FHIT: variants seen among roughly 807,000 people sequenced by gnomAD.
FHIT encodes the protein fragile histidine triad diadenosine triphosphatase.
In FHIT, 19 loss-of-function variants were observed where a neutral mutation model predicts 17.9. The observed-to-expected ratio is 1.06, with a 90% CI of 0.74 to 1.56. The LOEUF (loss-of-function observed/expected upper bound fraction) is 1.56. Among genes scored for constraint, FHIT ranks in the 40% most tolerant of loss-of-function variants. FHIT has a pLI of 0.00. For synonymous variants in FHIT, 81 were observed against 69.7 expected (o/e 1.16, Z -0.81); for missense variants, 248 against 189.2 (o/e 1.31, Z -1.82).
intron 3 of FHIT, among the ~76,000 whole-genome samples, chr3:60,878,642 C>T (rs1704797244): frequency 6.6e-6 from 1 of 151,098 alleles, no homozygotes; most frequent in Admixed American, 6.6e-5. Flanking sequence ...CCTCCCCCTG[C>T]CCCCACCCCA....
intron 9 of FHIT, chr3:59,751,038 A>G (rs961068474): frequency 1.1e-5 from 2 of 181,658 alleles, no homozygotes; most frequent in African/African-American, 4.7e-5. Flanking sequence ...CTAAAAACAA[A>G]AAAGAAACTA....
At chr3:60,806,295 G>A (rs1055714567) in intron 4 of FHIT, among the ~76,000 whole-genome samples, 2 of 152,156 alleles carry the variant, frequency 1.3e-5, no homozygotes, top group East Asian at 3.9e-4. Context: ...CCTCTCCCAA[G>A]AACAAATGCA....
intron 2 of FHIT, among the ~76,000 whole-genome samples, chr3:61,115,710 A>T (rs1031427666): frequency 3.9e-5 from 6 of 152,268 alleles, no homozygotes; most frequent in Admixed American, 6.5e-5. Context: ...AGTTGAGAGG[A>T]TATGATGAGA....
intron 3 of FHIT, among the ~76,000 whole-genome samples, chr3:60,982,080 T>C (rs1163624412): frequency 6.6e-6 from 1 of 152,212 alleles, no homozygotes; most frequent in Non-Finnish European, 1.5e-5. Context: ...CCCTTCCAGT[T>C]CATTCTGCAC....
rs1033377266 is a variant in FHIT, at chr3:60,526,784, C to T, written c.103+10076G>A. On this transcript the variant is annotated intron_variant, in intron 5 of 9. Transcript: ENST00000492590. ...AGATCATGACAGTACCTGTGTCAGC[C>T]TGCAGGTCCTACAGCTTCGTAGCAT... 7.2e-5 allele frequency among the ~76,000 whole-genome samples: 11 copies of T among 152,168 alleles called. 1 individual carries two copies. The highest frequency in any genetic ancestry group is 1.5e-4 in the Non-Finnish European group (10 of 68,046).
intron 5 of FHIT, among the ~76,000 whole-genome samples, chr3:60,244,966 G>C (rs550722401): frequency 5.3e-4 from 81 of 152,124 alleles, no homozygotes; most frequent in African/African-American, 1.9e-3. Context: ...CATTCAGGTA[G>C]TGTGCATTGA....
intron 5 of FHIT, chr3:60,077,580 T>A (rs1703069597): frequency 6.6e-6 from 1 of 150,482 alleles, no homozygotes; most frequent in Non-Finnish European, 1.5e-5. Context: ...AAAGAACACA[T>A]GAACCAGAAT....
chr3:60,121,929 A>G (rs533891459), intron 5 of FHIT, among the ~76,000 whole-genome samples: 1 of 152,136 alleles, frequency 6.6e-6, no homozygotes, highest in Non-Finnish European at 1.5e-5. Flanking sequence ...GAAATAATAT[A>G]TTTGGGTTTA....
At chr3:60,801,083 C>T (rs868933755) in intron 4 of FHIT, among the ~76,000 whole-genome samples, 2 of 152,126 alleles carry the variant, frequency 1.3e-5, no homozygotes, top group South Asian at 4.1e-4. Context: ...CTACAGGCAC[C>T]TAGGGCTCAA....
chr3:61,210,065 C>T (rs1025803128), intron 1 of FHIT, among the ~76,000 whole-genome samples: 2 of 152,204 alleles, frequency 1.3e-5, no homozygotes, highest in East Asian at 3.8e-4. Flanking sequence ...GTTGGAGTTT[C>T]CTGGGGGTCC....
chr3:59,779,964 C>G (rs73840809), intron 8 of FHIT, among the ~76,000 whole-genome samples: 5,735 of 152,298 alleles, frequency 0.038, 150 homozygotes, highest in South Asian at 0.09. Context: ...ATGGACTTTC[C>G]TGAAACAACT....
chr3:61,105,583 G>T (rs1298908569), intron 2 of FHIT, among the ~76,000 whole-genome samples: 3 of 151,890 alleles, frequency 2.0e-5, no homozygotes, highest in African/African-American at 7.3e-5. Flanking sequence ...AAAAAAAAGT[G>T]GTCTGCATAT....
At chr3:60,035,170 A>G (rs1029187758) in intron 5 of FHIT, among the ~76,000 whole-genome samples, 1 of 152,224 alleles carries the variant, frequency 6.6e-6, no homozygotes, top group Non-Finnish European at 1.5e-5. Context: ...CAGATAGTGC[A>G]CTAGGTCCTA....
chr3:60,316,133 C>A (rs956176385), intron 5 of FHIT, among the ~76,000 whole-genome samples: 1 of 152,146 alleles, frequency 6.6e-6, no homozygotes, highest in African/African-American at 2.4e-5. Context: ...GCAGAAATGT[C>A]ACTTTTTGCA....
intron 4 of FHIT, among the ~76,000 whole-genome samples, chr3:60,599,398 C>T (rs1361931658): frequency 6.6e-6 from 1 of 152,048 alleles, no homozygotes; most frequent in African/African-American, 2.4e-5. Context: ...GTAGTTCTTA[C>T]CAGTGAGTTT....
At chr3:61,140,915 A>G (rs546833857) in intron 2 of FHIT, among the ~76,000 whole-genome samples, 7 of 152,308 alleles carry the variant, frequency 4.6e-5, no homozygotes, top group Admixed American at 1.3e-4. Flanking sequence ...TCTTGAATAC[A>G]TACGGAATCT....
intron 2 of FHIT, among the ~76,000 whole-genome samples, chr3:61,098,434 C>G (rs948861296): frequency 6.6e-6 from 1 of 152,106 alleles, no homozygotes; most frequent in African/African-American, 2.4e-5. Flanking sequence ...CTCTTGGGCT[C>G]TTTTCTGCTT....
chr3:59,839,849 C>T (rs1701468144), intron 8 of FHIT, among the ~76,000 whole-genome samples: 1 of 152,164 alleles, frequency 6.6e-6, no homozygotes, highest in South Asian at 2.1e-4. Flanking sequence ...ACGGTTAAGT[C>T]CTGAACATTT....
intron 1 of FHIT, among the ~76,000 whole-genome samples, chr3:61,221,862 A>G (rs879098304): frequency 6.6e-6 from 1 of 152,234 alleles, no homozygotes; most frequent in African/African-American, 2.4e-5. Context: ...AGTGGGGTCC[A>G]ACGTCCAACC....
Sources: allele counts gnomAD v4.1 joint callset (sites outside exome capture counted in the v4.1 genomes callset), GRCh38; gene constraint gnomAD v4.1.1; transcripts MANE v1.5; gene names NCBI Gene and HGNC (gene_info 2026-07-23, HGNC 2026-07-21).